NMT2: variants seen among roughly 807,000 people sequenced by gnomAD.
NMT2 encodes N-myristoyltransferase 2, also known as glycylpeptide N-tetradecanoyltransferase 2.
NMT2 carries 35 observed loss-of-function variants against 65.4 expected under a neutral mutation model. The ratio of observed to expected loss-of-function variants is 0.54; its 90% CI spans 0.41 to 0.71. The LOEUF is 0.71. Ranked by LOEUF, NMT2 falls within the 30% of genes least tolerant of loss-of-function variation. The pLI is 0.00. For synonymous variants in NMT2, 226 were observed against 231.8 expected, an observed-to-expected ratio of 0.98 and a Z score of 0.23; for missense variants, 489 against 611.3, an observed-to-expected ratio of 0.80 and a Z score of 2.11.
At position 15,113,463 on chromosome 10, in the gene NMT2, C is replaced by CAAAAAAAAAAAAAAAAAAAAAAAAAAAA. The variant is rs1169255963; in HGVS notation, c.1171-501_1171-500insTTTTTTTTTTTTTTTTTTTTTTTTTTTT. ...CCAGCCTGGGCGACAGGATGAGACT[C>CAAAAAAAAAAAAAAAAAAAAAAAAAAAA]AAAAAAAAAAAAAAAAAAAAAAAAA... is the stretch of plus-strand genomic sequence containing the variant. On this transcript the variant is annotated intron_variant, in intron 9 of 11. Coordinates refer to ENST00000378165, the MANE Select transcript of NMT2 (RefSeq NM_004808.3). Among the ~76,000 whole-genome samples the CAAAAAAAAAAAAAAAAAAAAAAAAAAAA allele has an allele frequency of 2.7e-4, 10 of 37,002 alleles. 1 individual carries two copies. Among genetic ancestry groups the CAAAAAAAAAAAAAAAAAAAAAAAAAAAA allele is most frequent in the African/African-American group, 9.2e-4 (10 of 10,832 alleles). The allele number at this position is 37,002 out of a possible 152,430, so 24.3% of individuals were successfully genotyped here.
intron 1 of NMT2, among the ~76,000 whole-genome samples, chr10:15,153,905 G>C (rs1478498446): frequency 6.6e-6 from 1 of 151,906 alleles, no homozygotes; most frequent in Non-Finnish European, 1.5e-5. Flanking sequence ...CACCCGCCTC[G>C]CCCCCCAAAG....
At chr10:15,141,969 T>G (rs60833879) in intron 1 of NMT2, among the ~76,000 whole-genome samples, 2,268 of 152,260 alleles carry the variant, frequency 0.015, 46 homozygotes, top group African/African-American at 0.051. Context: ...GCAACAGAAC[T>G]AAACAAACCA....
chr10:15,155,603 G>A (rs559913089), intron 1 of NMT2, among the ~76,000 whole-genome samples: 177 of 119,162 alleles, frequency 1.5e-3, no homozygotes, highest in African/African-American at 5.7e-3. Flanking sequence ...GACTGATCTC[G>A]AACTCCTGGG....
chr10:15,154,912 C>G lies in NMT2; in HGVS notation c.111-13355G>C, dbSNP rs532981657. ...ATGCCTTCTTTCACCCTGCCAGAGA[C>G]CACATGCTTGCCATCCAACCACTCG... is the stretch of plus-strand genomic sequence containing the variant. On this transcript the variant is annotated intron_variant, in intron 1 of 11. Transcript: ENST00000378165. 6.9e-4 allele frequency: 635 copies of G among 918,564 alleles called. 9 individuals are homozygous for G. In the South Asian group the frequency reaches 8.0e-3, roughly 12 times the overall value. The allele number at this position is 918,564 out of a possible 1,614,324, so 56.9% of individuals were successfully genotyped here. A position where few individuals can be genotyped will look rare whatever the true frequency, so the allele number is the denominator to read the frequency against.
chr10:15,130,344 C>A, intron 6 of NMT2, 32 bp from the exon 7 acceptor site: 2 of 1,447,110 alleles, frequency 1.4e-6, no homozygotes, highest in Non-Finnish European at 9.3e-7. Flanking sequence ...GATTAAGAGT[C>A]AAAACGAGAT....
At chr10:15,111,249 G>T (rs1310925541) in intron 10 of NMT2, among the ~76,000 whole-genome samples, 1 of 151,830 alleles carries the variant, frequency 6.6e-6, no homozygotes, top group African/African-American at 2.4e-5. Flanking sequence ...GGTGGCTCAC[G>T]CCTGTAATCC....
At position 15,127,651 on chromosome 10, in the gene NMT2, C is replaced by T. The variant is rs1238300750; in HGVS notation, c.999+699G>A. Among the ~76,000 whole-genome samples, 5 of 151,014 alleles carry T rather than the reference C, an allele frequency of 3.3e-5. No individual in the cohort carries two copies. The East Asian group carries it at 9.7e-4, about 29-fold the overall frequency. On this transcript the variant is annotated intron_variant, in intron 8 of 11. Coordinates refer to ENST00000378165, the MANE Select transcript of NMT2 (RefSeq NM_004808.3). Reference sequence around the variant, plus strand: ...GGTGCAGTGGCTCATGCCTGTAATCCCAGCACCTTGGGAGGCTGAAGCAGG... The same window carrying T: ...GGTGCAGTGGCTCATGCCTGTAATCTCAGCACCTTGGGAGGCTGAAGCAGG...
intron 8 of NMT2, among the ~76,000 whole-genome samples, chr10:15,122,586 A>AT (rs1259171553): frequency 2.0e-5 from 3 of 151,990 alleles, no homozygotes; most frequent in Non-Finnish European, 4.4e-5. Flanking sequence ...CGCCCAGCTA[A>AT]TTTTTTGTAT....
intron 1 of NMT2, among the ~76,000 whole-genome samples, chr10:15,145,039 C>T (rs1436138029): frequency 1.3e-5 from 2 of 152,104 alleles, no homozygotes; most frequent in Non-Finnish European, 2.9e-5. Flanking sequence ...GAAATGTGGT[C>T]CATCTATAGG....
At chr10:15,112,317 C>T (rs533116362) in intron 10 of NMT2, among the ~76,000 whole-genome samples, 2 of 140,422 alleles carry the variant, frequency 1.4e-5, no homozygotes, top group African/African-American at 2.6e-5. Context: ...CAACCTCTGC[C>T]TCCCAGGTTC....
chr10:15,149,395 T>C (rs369600755), intron 1 of NMT2, among the ~76,000 whole-genome samples: 6 of 86 alleles, frequency 0.07, no homozygotes, highest in Admixed American at 0.1. Context: ...CCACTACCAT[T>C]GCCATCACCA....
At chr10:15,155,535 G>GTTTT (rs71390015) in intron 1 of NMT2, among the ~76,000 whole-genome samples, 5 of 59,390 alleles carry the variant, frequency 8.4e-5, no homozygotes, top group Non-Finnish European at 1.2e-4. Flanking sequence ...TGCCGGGCTA[G>GTTTT]TTTTTTTTTT....
At chr10:15,132,170 G>T (rs12219066) in intron 6 of NMT2, among the ~76,000 whole-genome samples, 7,984 of 152,016 alleles carry the variant, frequency 0.053, 232 homozygotes, top group East Asian at 0.11. Context: ...CCTGGCCAAG[G>T]CTTCGTTTTT....
intron 1 of NMT2, among the ~76,000 whole-genome samples, chr10:15,156,926 A>G (rs536522596): frequency 3.3e-5 from 5 of 152,192 alleles, no homozygotes; most frequent in Non-Finnish European, 7.4e-5. Flanking sequence ...CGCAAAAAGA[A>G]CTTTTTAAAA....
At chr10:15,167,981 C>T (rs181102339) in intron 1 of NMT2, among the ~76,000 whole-genome samples, 4 of 152,258 alleles carry the variant, frequency 2.6e-5, no homozygotes, top group Admixed American at 6.5e-5. Flanking sequence ...CCTGCGGCCC[C>T]GACACCATCG....
At position 15,151,059 on chromosome 10, in the gene NMT2, C is replaced by CT. The variant is rs200879621; in HGVS notation, c.111-9503dup. ...TATATTCTATCTCATTAGCTTCCTC[C>CT]TTTTTTTTTTTTTTTGGAGACGGAG... On this transcript the variant is annotated intron_variant, in intron 1 of 11. Coordinates refer to ENST00000378165, the MANE Select transcript of NMT2 (RefSeq NM_004808.3). Among the ~76,000 whole-genome samples the CT allele has an allele frequency of 3.0e-3, 415 of 139,856 alleles. 4 individuals carry two copies. Among genetic ancestry groups the CT allele is most frequent in the African/African-American group, 5.3e-3 (199 of 37,352 alleles). The allele number at this position is 139,856 out of a possible 152,430, so 91.8% of individuals were successfully genotyped here.
intron 3 of NMT2, among the ~76,000 whole-genome samples, chr10:15,133,921 T>C (rs1846379780): frequency 6.6e-6 from 1 of 152,178 alleles, no homozygotes; most frequent in African/African-American, 2.4e-5. Context: ...AGAAATCCTT[T>C]GTCATCCAGT....
At chr10:15,161,531 TG>T (rs1588463061) in intron 1 of NMT2, among the ~76,000 whole-genome samples, 1 of 152,190 alleles carries the variant, frequency 6.6e-6, no homozygotes, top group African/African-American at 2.4e-5. Flanking sequence ...AATGTTTTTT[TG>T]TATTTTTAGT....
intron 1 of NMT2, among the ~76,000 whole-genome samples, chr10:15,151,866 A>T (rs1298075281): frequency 1.3e-5 from 2 of 151,786 alleles, no homozygotes; most frequent in Non-Finnish European, 2.9e-5. Context: ...CTCTACCAAA[A>T]ATATAAAAAA....
Sources: allele counts gnomAD v4.1 joint callset (sites outside exome capture counted in the v4.1 genomes callset), GRCh38; gene constraint gnomAD v4.1.1; transcripts MANE v1.5; gene names NCBI Gene and HGNC (gene_info 2026-07-23, HGNC 2026-07-21).